Variants in SGMS1 observed in about 807,000 individuals in gnomAD.
SGMS1 encodes the protein sphingomyelin synthase 1.
In SGMS1, 13 loss-of-function variants were observed where a neutral mutation model predicts 46.2. The observed-to-expected ratio is 0.28, with a 90% CI of 0.18 to 0.45. The LOEUF (loss-of-function observed/expected upper bound fraction) is 0.45, where lower values mean the gene tolerates loss of function less well. Ranked by LOEUF, SGMS1 falls within the 20% of genes least tolerant of loss-of-function variation. The pLI is 1.00. For missense variants in SGMS1, 324 were observed against 519.9 expected (o/e 0.62, Z 3.66); for synonymous variants, 203 against 187.8 (o/e 1.08, Z -0.66).
intron 8 of SGMS1, among the ~76,000 whole-genome samples, chr10:50,322,369 A>G (rs991483770): frequency 6.6e-6 from 1 of 152,166 alleles, no homozygotes; most frequent in Non-Finnish European, 1.5e-5. Context: ...AGTGCAAGTT[A>G]TTTCTTCTCT....
At chr10:50,320,248 C>T (rs375784864) in intron 8 of SGMS1, among the ~76,000 whole-genome samples, 17 of 152,160 alleles carry the variant, frequency 1.1e-4, no homozygotes, top group South Asian at 4.1e-4. Flanking sequence ...AAGCATCATC[C>T]GTCTCCCTCA....
chr10:50,605,800 A>G (rs1434573740), intron 1 of SGMS1, among the ~76,000 whole-genome samples: 2 of 152,162 alleles, frequency 1.3e-5, no homozygotes, highest in South Asian at 2.1e-4. Flanking sequence ...TGTTACATGC[A>G]TAGATTGCAT....
intron 8 of SGMS1, among the ~76,000 whole-genome samples, chr10:50,315,278 A>C (rs753187550): frequency 6.6e-6 from 1 of 152,216 alleles, no homozygotes; most frequent in Non-Finnish European, 1.5e-5. Flanking sequence ...AAAAGTCTAG[A>C]ATGTAACATA....
At chr10:50,488,192 T>C (rs1234049116) in intron 3 of SGMS1, among the ~76,000 whole-genome samples, 1 of 151,934 alleles carries the variant, frequency 6.6e-6, no homozygotes, top group Non-Finnish European at 1.5e-5. Context: ...TTTTGTATTT[T>C]TGGTAGAGAC....
intron 7 of SGMS1, among the ~76,000 whole-genome samples, chr10:50,330,021 A>G (rs1847594182): frequency 6.6e-6 from 1 of 152,248 alleles, no homozygotes; most frequent in Non-Finnish European, 1.5e-5. Flanking sequence ...AAGACTTACT[A>G]GAATAGCATG....
At chr10:50,388,681 T>G (rs1301307906) in intron 6 of SGMS1, among the ~76,000 whole-genome samples, 1 of 152,066 alleles carries the variant, frequency 6.6e-6, no homozygotes, top group Non-Finnish European at 1.5e-5. Context: ...GCGCTTGATA[T>G]GTACTGTAGA....
chr10:50,412,131 A>G (rs1849108805), intron 6 of SGMS1, among the ~76,000 whole-genome samples: 1 of 152,148 alleles, frequency 6.6e-6, no homozygotes, highest in African/African-American at 2.4e-5. Context: ...AGATACCCAT[A>G]GAGAGGCAAG....
intron 3 of SGMS1, among the ~76,000 whole-genome samples, chr10:50,508,191 A>G (rs1170805970): frequency 6.6e-6 from 1 of 152,228 alleles, no homozygotes; most frequent in African/African-American, 2.4e-5. Context: ...GATAATGTAT[A>G]TAAGAGCACC....
rs554329786 is a variant in SGMS1, at chr10:50,354,985, C to T, written c.-231-10640G>A. On this transcript the variant is annotated intron_variant, in intron 6 of 10. Transcript: ENST00000361781. Reference sequence around the variant, plus strand: ...GTGGAGAAATAGGAACACTTTTACACTGTTGGTGGGACTGTAAACTAGTTC... The same window carrying T: ...GTGGAGAAATAGGAACACTTTTACATTGTTGGTGGGACTGTAAACTAGTTC... Among the ~76,000 whole-genome samples, 357 of 152,326 alleles carry T rather than the reference C, an allele frequency of 2.3e-3. 4 individuals carry two copies. The highest frequency in any genetic ancestry group is 8.2e-3 in the African/African-American group (342 of 41,566).
At chr10:50,379,605 C>T (rs868495653) in intron 6 of SGMS1, among the ~76,000 whole-genome samples, 17 of 151,820 alleles carry the variant, frequency 1.1e-4, no homozygotes, top group African/African-American at 3.4e-4. Context: ...TCTATGCTTT[C>T]AAAAAACTAA....
intron 6 of SGMS1, among the ~76,000 whole-genome samples, chr10:50,359,848 G>A (rs1265616838): frequency 6.6e-6 from 1 of 152,034 alleles, no homozygotes; most frequent in Non-Finnish European, 1.5e-5. Flanking sequence ...CAAACAAAAT[G>A]TATTACTTTT....
At chr10:50,459,920 C>T (rs1837243402) in intron 5 of SGMS1, 1 of 151,716 alleles carries the variant, frequency 6.6e-6, no homozygotes, top group South Asian at 2.1e-4. Flanking sequence ...GACAAAGACA[C>T]ATAAATTACT....
chr10:50,344,022 G>A lies in SGMS1; in HGVS notation c.93C>T (p.Phe31=), dbSNP rs1201943363. The A allele has an allele frequency of 6.2e-7, 1 of 1,614,160 alleles. No individual in the cohort carries two copies. The highest frequency in any genetic ancestry group is 8.5e-7 in the Non-Finnish European group (1 of 1,180,022). The change falls in exon 7 of 11, where the codon TTC becomes TTT. Residue 31 remains phenylalanine, a synonymous_variant. Transcript: ENST00000361781. ...TTAGGTTGATCAAGTCCTGGCCTGT[G>A]AAATGCTCCAGAGGCTCACAGTATT... ...MPEYCEPLEH[F]TGQDLINLTQ...
At chr10:50,624,990 G>T (rs780615276), upstream of SGMS1, 3 of 1,028,264 alleles carry the variant, frequency 2.9e-6, no homozygotes, top group Non-Finnish European at 3.5e-6. Flanking sequence ...GCTCGGAACC[G>T]ACCTGGGAGC....
chr10:50,589,093 A>C (rs187199253), intron 2 of SGMS1, among the ~76,000 whole-genome samples: 295 of 152,246 alleles, frequency 1.9e-3, no homozygotes, highest in African/African-American at 6.3e-3. Context: ...CCACTGACCT[A>C]ACCATGAAAC....
chr10:50,624,066 C>G, upstream of SGMS1: 23 of 985,350 alleles, frequency 2.3e-5, no homozygotes, highest in Non-Finnish European at 2.8e-5. Flanking sequence ...CGGGCGGGGT[C>G]CGCGGGGGGC....
At chr10:50,536,352 C>A (rs534608908) in intron 2 of SGMS1, among the ~76,000 whole-genome samples, 284 of 151,298 alleles carry the variant, frequency 1.9e-3, no homozygotes, top group African/African-American at 4.6e-3. Context: ...AACAAACAAA[C>A]AAAAAAAACC....
chr10:50,309,495 A>C (rs1847224380), intron 9 of SGMS1, among the ~76,000 whole-genome samples: 1 of 152,168 alleles, frequency 6.6e-6, no homozygotes, highest in Admixed American at 6.5e-5. Flanking sequence ...GTCAAGATGG[A>C]TAAGCCTTGA....
intron 2 of SGMS1, among the ~76,000 whole-genome samples, chr10:50,537,279 T>C (rs953135788): frequency 2.6e-5 from 4 of 152,090 alleles, no homozygotes; most frequent in African/African-American, 9.7e-5. Flanking sequence ...GTTTGGAGTA[T>C]GGAGCCTGTA....
Sources: allele counts gnomAD v4.1 joint callset (sites outside exome capture counted in the v4.1 genomes callset), GRCh38; gene constraint gnomAD v4.1.1; transcripts MANE v1.5; gene names NCBI Gene and HGNC (gene_info 2026-07-23, HGNC 2026-07-21).